The following PTPN5 variants were observed in gnomAD, a reference collection of about 807,000 sequenced individuals.
The protein encoded by PTPN5 is protein tyrosine phosphatase non-receptor type 5.
A neutral mutation model predicts 73.9 loss-of-function variants in PTPN5; 29 were observed. The observed-to-expected ratio is 0.39, with a 90% CI of 0.29 to 0.54. The LOEUF (loss-of-function observed/expected upper bound fraction) is 0.54, where lower values mean the gene tolerates loss of function less well. Among genes scored for constraint, PTPN5 ranks in the 20% least tolerant of loss-of-function variants. The pLI, the probability that PTPN5 is intolerant of heterozygous loss-of-function variation, is 0.65. For missense variants in PTPN5, 652 were observed against 751.4 expected (o/e 0.87, Z 1.55); for synonymous variants, 267 against 304.7 (o/e 0.88, Z 1.29).
chr11:18,772,344 G>A (rs188996635), intron 1 of PTPN5, among the ~76,000 whole-genome samples: 173 of 152,302 alleles, frequency 1.1e-3, no homozygotes, highest in Non-Finnish European at 2.1e-3. Flanking sequence ...AGACTGATGC[G>A]TGCAGCAAAC....
chr11:18,786,687 C>A (rs1253336797), intron 1 of PTPN5, among the ~76,000 whole-genome samples: 2 of 152,186 alleles, frequency 1.3e-5, no homozygotes, highest in African/African-American at 4.8e-5. Context: ...GGAATCTGGA[C>A]TGGGGGTCCA....
rs1850498677 is a variant in PTPN5 at position 18,763,612 on chromosome 11, C to A, written c.97+2195G>T. Among the ~76,000 whole-genome samples the A allele has an allele frequency of 3.3e-5, 5 of 152,212 alleles. No homozygotes were observed. The South Asian group carries it at 8.3e-4, about 25-fold the overall frequency. ...TGCAGCCTCTCTGCTGCGGCTTCAT[C>A]CCATTTTGCAGAAGCAGCTCAGAGC... On this transcript the variant is annotated intron_variant, in intron 3 of 14. Coordinates refer to ENST00000358540, the MANE Select transcript of PTPN5 (RefSeq NM_006906.2).
At chr11:18,743,158 T>C in intron 5 of PTPN5, 83 bp from the exon 6 acceptor site, 1 of 1,248,550 alleles carries the variant, frequency 8.0e-7, no homozygotes. Context: ...ACCAAGATTC[T>C]GAAAATCACG....
At chr11:18,745,877 G>A (rs1163988103) in intron 3 of PTPN5, among the ~76,000 whole-genome samples, 2 of 151,844 alleles carry the variant, frequency 1.3e-5, no homozygotes, top group African/African-American at 4.8e-5. Context: ...TTCAATCCAG[G>A]GCAGTCAGAT....
chr11:18,764,292 C>T (rs185568177), intron 3 of PTPN5, among the ~76,000 whole-genome samples: 3 of 152,314 alleles, frequency 2.0e-5, no homozygotes, highest in African/African-American at 4.8e-5. Context: ...CTTGGGCTTA[C>T]GTCATCCTAA....
intron 9 of PTPN5, among the ~76,000 whole-genome samples, chr11:18,735,373 A>G (rs1849068494): frequency 6.6e-6 from 1 of 152,134 alleles, no homozygotes. Flanking sequence ...AGAGAGGGGC[A>G]GGAAGCTCTG....
rs771844392 is a variant in PTPN5, at chr11:18,743,329, TC to T, written c.391del (p.Glu131AsnfsTer36). The T allele has an allele frequency of 6.2e-7, 1 of 1,614,094 alleles. No homozygotes were observed. Among genetic ancestry groups the T allele is most frequent in the South Asian group, 1.1e-5 (1 of 91,082 alleles). On this transcript the variant is annotated frameshift_variant, in exon 5 of 15. Coordinates refer to ENST00000358540, the MANE Select transcript of PTPN5 (RefSeq NM_006906.2). LOFTEE classifies it high-confidence loss of function. Reference sequence around the variant, plus strand: ...TCCCCAAAGCTTACTTACCGTGGGTTCCAGCTGTTTCAGGAGCGTCAGCAAA... The same window carrying T: ...TCCCCAAAGCTTACTTACCGTGGGTTCAGCTGTTTCAGGAGCGTCAGCAAA... The part of the protein sequence containing the change: ...SSLLTLLKQL[E>X]PTAWLDSGTW...
At chr11:18,783,556 T>A (rs1159706148) in intron 1 of PTPN5, among the ~76,000 whole-genome samples, 1 of 152,194 alleles carries the variant, frequency 6.6e-6, no homozygotes, top group Non-Finnish European at 1.5e-5. Context: ...GTACCTGAAA[T>A]AGAGTTACTC....
chr11:18,755,776 C>T (rs113732799), intron 3 of PTPN5, among the ~76,000 whole-genome samples: 5 of 152,042 alleles, frequency 3.3e-5, no homozygotes, highest in South Asian at 2.1e-4. Flanking sequence ...GAGGCCGAGG[C>T]GGGCAGATCA....
At chr11:18,784,109 T>C (rs1401184135) in intron 1 of PTPN5, among the ~76,000 whole-genome samples, 1 of 152,196 alleles carries the variant, frequency 6.6e-6, no homozygotes, top group Admixed American at 6.5e-5. Context: ...AAATGCACCC[T>C]GCACCTCTCA....
chr11:18,765,082 T>A (rs925701097), intron 3 of PTPN5, among the ~76,000 whole-genome samples: 1 of 152,228 alleles, frequency 6.6e-6, no homozygotes, highest in Non-Finnish European at 1.5e-5. Flanking sequence ...TACAGGATTA[T>A]GGCGATTTTT....
intron 3 of PTPN5, among the ~76,000 whole-genome samples, chr11:18,765,198 A>G (rs944732510): frequency 6.6e-6 from 1 of 151,868 alleles, no homozygotes; most frequent in Non-Finnish European, 1.5e-5. Context: ...CTCTCCCCCC[A>G]CCCCTTCTTT....
intron 9 of PTPN5, among the ~76,000 whole-genome samples, chr11:18,735,768 C>CAA (rs59859973): frequency 8.1e-5 from 12 of 148,304 alleles, no homozygotes; most frequent in African/African-American, 1.0e-4. Flanking sequence ...CTGTCTCCCC[C>CAA]AAAAAAAAAA....
intron 8 of PTPN5, among the ~76,000 whole-genome samples, chr11:18,738,700 G>A (rs534505573): frequency 4.6e-5 from 7 of 152,036 alleles, no homozygotes; most frequent in Non-Finnish European, 8.8e-5. Context: ...CTGCCCGGGC[G>A]CGGTGGCTCA....
intron 3 of PTPN5, among the ~76,000 whole-genome samples, chr11:18,764,409 T>C (rs540215705): frequency 5.3e-5 from 8 of 152,358 alleles, no homozygotes; most frequent in African/African-American, 1.7e-4. Flanking sequence ...CGGTCCCATC[T>C]TAGACCGTCT....
At chr11:18,756,894 A>AG (rs1449922066) in intron 3 of PTPN5, among the ~76,000 whole-genome samples, 14 of 149,942 alleles carry the variant, frequency 9.3e-5, no homozygotes, top group African/African-American at 3.4e-4. Flanking sequence ...ACTGCACTCC[A>AG]GCCTGAGTGA....
At chr11:18,749,331 T>TAG (rs1330754852) in intron 3 of PTPN5, 2 of 516,212 alleles carry the variant, frequency 3.9e-6, no homozygotes, top group African/African-American at 3.9e-5. Flanking sequence ...AATCAAGGCT[T>TAG]AGAGAGGTTA....
intron 3 of PTPN5, among the ~76,000 whole-genome samples, chr11:18,756,925 A>AC (rs993702903): frequency 2.0e-5 from 3 of 148,014 alleles, no homozygotes; most frequent in African/African-American, 7.4e-5. Flanking sequence ...CTCCATCAAA[A>AC]AAAAAAAAAA....
intron 1 of PTPN5, among the ~76,000 whole-genome samples, chr11:18,782,847 G>A (rs1000607432): frequency 5.9e-5 from 9 of 152,172 alleles, no homozygotes; most frequent in Non-Finnish European, 8.8e-5. Flanking sequence ...ATAGGAGATG[G>A]GGCCAGGGAT....
Sources: allele counts gnomAD v4.1 joint callset (sites outside exome capture counted in the v4.1 genomes callset), GRCh38; gene constraint gnomAD v4.1.1; transcripts MANE v1.5; gene names NCBI Gene and HGNC (gene_info 2026-07-23, HGNC 2026-07-21).